Variants in PHTF2 observed in about 807,000 individuals in gnomAD.
PHTF2 encodes the protein protein PHTF2.
PHTF2 carries 60 observed loss-of-function variants against 101.2 expected under a neutral mutation model. The observed-to-expected ratio is 0.59, with a 90% confidence interval of 0.48 to 0.73. The LOEUF (loss-of-function observed/expected upper bound fraction) is 0.73, where lower values mean the gene tolerates loss of function less well. PHTF2 is among the 30% of genes least tolerant of loss of function. PHTF2 has a pLI of 0.00. For synonymous variants in PHTF2, 311 were observed against 307.3 expected (o/e 1.01, Z -0.13); for missense variants, 747 against 908.7 (o/e 0.82, Z 2.29).
At chr7:77,923,692 A>G (rs1803694144) in intron 11 of PHTF2, 1 of 985,270 alleles carries the variant, frequency 1.0e-6, no homozygotes, top group African/African-American at 1.7e-5. Flanking sequence ...CCTAAGCCAG[A>G]TAACCAAGCT....
At chr7:77,800,686 A>G (rs566492594) in intron 1 of PHTF2, among the ~76,000 whole-genome samples, 22 of 152,322 alleles carry the variant, frequency 1.4e-4, no homozygotes, top group African/African-American at 5.1e-4. Context: ...GGAATATGTA[A>G]TGAAAAAAAC....
At chr7:77,843,594 G>C (rs17158690) in intron 2 of PHTF2, among the ~76,000 whole-genome samples, 2,723 of 152,268 alleles carry the variant, frequency 0.018, 81 homozygotes, top group African/African-American at 0.062. Context: ...AGAGGCATTT[G>C]TACTTCAGTG....
intron 3 of PHTF2, among the ~76,000 whole-genome samples, chr7:77,886,104 T>C (rs1387338529): frequency 2.0e-5 from 3 of 152,202 alleles, no homozygotes. Flanking sequence ...CTTAATCTTT[T>C]ATCTAAGCAC....
intron 7 of PHTF2, among the ~76,000 whole-genome samples, chr7:77,904,757 C>T (rs1470826018): frequency 6.6e-6 from 1 of 152,206 alleles, no homozygotes; most frequent in East Asian, 1.9e-4. Flanking sequence ...GGCCCTGTCT[C>T]CAAACGTAGT....
chr7:77,841,369 C>T (rs1334656975), intron 2 of PHTF2, among the ~76,000 whole-genome samples: 4 of 151,948 alleles, frequency 2.6e-5, no homozygotes, highest in Non-Finnish European at 4.4e-5. Context: ...CTTGAGCCAC[C>T]GCGCCCAGCC....
intron 3 of PHTF2, among the ~76,000 whole-genome samples, chr7:77,860,080 A>G (rs1797509128): frequency 6.6e-6 from 1 of 152,160 alleles, no homozygotes; most frequent in Non-Finnish European, 1.5e-5. Context: ...ATATTTCTCA[A>G]TGTCCTAATC....
At chr7:77,856,003 A>G (rs944293094) in intron 3 of PHTF2, among the ~76,000 whole-genome samples, 29 of 152,034 alleles carry the variant, frequency 1.9e-4, no homozygotes, top group Non-Finnish European at 3.2e-4. Context: ...AGTTTGTTCA[A>G]TTTGGTGTTT....
intron 12 of PHTF2, among the ~76,000 whole-genome samples, chr7:77,934,404 T>C (rs1804892913): frequency 6.6e-6 from 1 of 152,264 alleles, no homozygotes; most frequent in Non-Finnish European, 1.5e-5. Flanking sequence ...TTAGTAAGTG[T>C]AAAGCTTTAA....
chr7:77,938,324 T>G (rs1805333259), intron 13 of PHTF2, among the ~76,000 whole-genome samples: 1 of 152,236 alleles, frequency 6.6e-6, no homozygotes, highest in African/African-American at 2.4e-5. Flanking sequence ...TATATAGAAG[T>G]AATGCAGATA....
At chr7:77,949,981 T>G in intron 17 of PHTF2, 148 bp downstream of exon 16, 1 of 497,482 alleles carries the variant, frequency 2.0e-6, no homozygotes. Context: ...ACACAAGCCT[T>G]TCTTCAGTGT....
At chr7:77,888,674 C>T (rs151284345) in intron 3 of PHTF2, among the ~76,000 whole-genome samples, 113 of 152,134 alleles carry the variant, frequency 7.4e-4, no homozygotes, top group African/African-American at 2.6e-3. Context: ...CTTTTGTATG[C>T]CATTTTTAAA....
intron 1 of PHTF2, among the ~76,000 whole-genome samples, chr7:77,808,269 G>A (rs1793147698): frequency 6.6e-6 from 1 of 152,102 alleles, no homozygotes; most frequent in African/African-American, 2.4e-5. Context: ...GATTGCTTTG[G>A]GTAGTATGGA....
chr7:77,829,551 T>G (rs1009749119), intron 1 of PHTF2, among the ~76,000 whole-genome samples: 1 of 152,210 alleles, frequency 6.6e-6, no homozygotes, highest in Admixed American at 6.5e-5. Flanking sequence ...TTGTAATAAT[T>G]TATAGATCAC....
intron 3 of PHTF2, among the ~76,000 whole-genome samples, chr7:77,873,247 G>A (rs1201987816): frequency 1.3e-5 from 2 of 151,986 alleles, no homozygotes; most frequent in Admixed American, 6.6e-5. Flanking sequence ...TTTAACTCCC[G>A]GAGCTGCAGC....
intron 3 of PHTF2, among the ~76,000 whole-genome samples, chr7:77,874,257 C>T (rs931350962): frequency 6.6e-6 from 1 of 152,058 alleles, no homozygotes; most frequent in Non-Finnish European, 1.5e-5. Flanking sequence ...ATTTTTGGGT[C>T]TAATCACATT....
At chr7:77,832,033 ATT>A (rs57416130) in intron 1 of PHTF2, among the ~76,000 whole-genome samples, 30 of 143,732 alleles carry the variant, frequency 2.1e-4, no homozygotes, top group African/African-American at 2.8e-4. Context: ...CTCTCCAGAG[ATT>A]TTTTTTTTTT....
intron 4 of PHTF2, 112 bp from the exon 4 acceptor site, chr7:77,893,870 A>G: frequency 1.2e-6 from 1 of 819,692 alleles, no homozygotes; most frequent in Non-Finnish European, 2.1e-6. Context: ...TGTTCTTTTA[A>G]AATTGAATTT....
At chr7:77,953,960 C>T in intron 19 of PHTF2, 66 bp downstream of exon 18, 1 of 1,397,250 alleles carries the variant, frequency 7.2e-7, no homozygotes, top group Non-Finnish European at 1.0e-6. Flanking sequence ...CCCATTTTAC[C>T]CTCACATGCA....
chr7:77,876,734 TAAATA>T (rs879808992), intron 3 of PHTF2, among the ~76,000 whole-genome samples: 5 of 151,852 alleles, frequency 3.3e-5, no homozygotes, highest in East Asian at 1.9e-4. Context: ...CTCTACAAAA[TAAATA>T]AAATAAAATA....
Sources: allele counts gnomAD v4.1 joint callset (sites outside exome capture counted in the v4.1 genomes callset), GRCh38; gene constraint gnomAD v4.1.1; transcripts MANE v1.5; gene names NCBI Gene and HGNC (gene_info 2026-07-23, HGNC 2026-07-21).